DYRK1A: variants seen among roughly 807,000 people sequenced by gnomAD.
DYRK1A encodes the protein dual specificity tyrosine phosphorylation regulated kinase 1A.
Under a neutral mutation model 79.7 loss-of-function variants are expected in DYRK1A, and 9 were observed. The ratio of observed to expected loss-of-function variants is 0.11; its 90% confidence interval spans 0.07 to 0.20. The LOEUF (loss-of-function observed/expected upper bound fraction) is 0.20. Ranked by LOEUF, DYRK1A falls within the 10% of genes least tolerant of loss-of-function variation. The pLI, the probability that DYRK1A is intolerant of heterozygous loss-of-function variation, is 1.00. For synonymous variants in DYRK1A, 349 were observed against 329.7 expected (o/e 1.06, Z -0.63); for missense variants, 622 against 956.0 (o/e 0.65, Z 4.61).
intron 9 of DYRK1A, among the ~76,000 whole-genome samples, chr21:37,500,233 G>A (rs73218460): frequency 0.02 from 3,073 of 152,070 alleles, 39 homozygotes; most frequent in Non-Finnish European, 0.027. Context: ...TTTTCTGCAC[G>A]TATAGAGATC....
At chr21:37,509,131 C>T (rs1449755820) in intron 11 of DYRK1A, among the ~76,000 whole-genome samples, 2 of 152,172 alleles carry the variant, frequency 1.3e-5, no homozygotes, top group Non-Finnish European at 2.9e-5. Flanking sequence ...TCCTTCCTTC[C>T]ATGCCTTCTA....
chr21:37,478,168 C>A, intron 3 of DYRK1A, 40 bp from the exon 4 acceptor site: 2 of 1,610,872 alleles, frequency 1.2e-6, no homozygotes. Context: ...CTAGTCTTTT[C>A]TGTCTATTTA....
rs1366699533 is a variant in DYRK1A at position 37,458,304 on chromosome 21, G to GTGTGTA, written c.11-14377_11-14376insGTATGT. The stretch of plus-strand genomic sequence containing the variant: ...TGTGTGTGTGTGTGTGTGTGTGTGT[G>GTGTGTA]TGTACATATACATATGTATTATATT... On this transcript the variant is annotated intron_variant, in intron 2 of 11. Coordinates refer to ENST00000647188, the MANE Select transcript of DYRK1A (RefSeq NM_001347721.2). Among the ~76,000 whole-genome samples the GTGTGTA allele has an allele frequency of 4.8e-3, 723 of 150,782 alleles. 5 individuals carry two copies. Among genetic ancestry groups the GTGTGTA allele is most frequent in the Non-Finnish European group, 8.1e-3 (546 of 67,474 alleles).
chr21:37,476,382 T>C (rs2052393209), intron 3 of DYRK1A, among the ~76,000 whole-genome samples: 1 of 152,246 alleles, frequency 6.6e-6, no homozygotes, highest in South Asian at 2.1e-4. Flanking sequence ...TACTTTATTA[T>C]TAAGTTATTC....
rs577636881 is a variant in DYRK1A, at chr21:37,456,956, A to G, written c.11-15728A>G. Among the ~76,000 whole-genome samples the G allele has an allele frequency of 2.6e-5, 4 of 152,304 alleles. No homozygotes were observed. The East Asian group carries it at 7.7e-4, about 29-fold the overall frequency. On this transcript the variant is annotated intron_variant, in intron 2 of 11. Coordinates refer to ENST00000647188, the MANE Select transcript of DYRK1A (RefSeq NM_001347721.2). ...CATAGAAACCTGCTTTATCCATACT[A>G]TCATTACTGAGAATACTTTCTGGTT...
rs144307250 is a variant in DYRK1A at position 37,509,472 on chromosome 21, G to C, written c.1645-2439G>C. ...TTTTTAAATTTATTTTTAGAGCTAGGGTCTTGCTCTTTAGCCCAGGCTGGA... is the reference window on the plus strand; with the variant it reads ...TTTTTAAATTTATTTTTAGAGCTAGCGTCTTGCTCTTTAGCCCAGGCTGGA... On this transcript the variant is annotated intron_variant, in intron 11 of 11. Transcript: ENST00000647188. Among the ~76,000 whole-genome samples, 531 of 152,200 alleles carry C rather than the reference G, an allele frequency of 3.5e-3. 1 individual carries two copies. The highest frequency in any genetic ancestry group is 0.012 in the African/African-American group (499 of 41,498).
chr21:37,469,662 A>G (rs2052152517), intron 2 of DYRK1A, among the ~76,000 whole-genome samples: 2 of 152,158 alleles, frequency 1.3e-5, no homozygotes, highest in Non-Finnish European at 2.9e-5. Context: ...AAGTCAGGCA[A>G]AAGGGGGAGG....
chr21:37,407,141 G>A (rs932602985), intron 1 of DYRK1A, among the ~76,000 whole-genome samples: 5 of 152,130 alleles, frequency 3.3e-5, no homozygotes, highest in African/African-American at 7.2e-5. Flanking sequence ...TCCCTAATTC[G>A]AAGTGTTTGG....
intron 1 of DYRK1A, among the ~76,000 whole-genome samples, chr21:37,378,504 G>A (rs1265774060): frequency 6.6e-6 from 1 of 152,152 alleles, no homozygotes; most frequent in Non-Finnish European, 1.5e-5. Flanking sequence ...TTGCACTCCA[G>A]CCTGGGCAAC....
chr21:37,474,332 GAT>G (rs1166744898), intron 3 of DYRK1A, among the ~76,000 whole-genome samples: 2 of 152,280 alleles, frequency 1.3e-5, no homozygotes, highest in Non-Finnish European at 2.9e-5. Context: ...TAAAATAAGA[GAT>G]ATTTCACTTA....
intron 2 of DYRK1A, among the ~76,000 whole-genome samples, chr21:37,455,006 CA>C (rs2051587636): frequency 7.0e-6 from 1 of 143,850 alleles, no homozygotes; most frequent in African/African-American, 2.6e-5. Context: ...GATGGTTATT[CA>C]GGGGTGGTCA....
chr21:37,511,282 A>G (rs9980596), intron 11 of DYRK1A, among the ~76,000 whole-genome samples: 6,415 of 152,300 alleles, frequency 0.042, 176 homozygotes, highest in Middle Eastern at 0.092. Flanking sequence ...AGGATTTTAA[A>G]TAGGGAAGTG....
intron 1 of DYRK1A, among the ~76,000 whole-genome samples, chr21:37,381,615 A>G (rs1252212699): frequency 6.6e-6 from 1 of 152,166 alleles, no homozygotes; most frequent in South Asian, 2.1e-4. Context: ...CATTTGTAGT[A>G]GCTTTCAGGT....
At chr21:37,421,639 GT>G (rs2050479439) in intron 2 of DYRK1A, 1 of 152,102 alleles carries the variant, frequency 6.6e-6, no homozygotes, top group Non-Finnish European at 1.5e-5. Flanking sequence ...CTCGCTGATT[GT>G]TAAAAGCAAC....
intron 9 of DYRK1A, chr21:37,505,052 C>A (rs2053554002): frequency 8.0e-6 from 4 of 499,634 alleles, no homozygotes; most frequent in South Asian, 5.7e-5. Context: ...AGTTTACTGA[C>A]CCCTGGGCTA....
intron 8 of DYRK1A, among the ~76,000 whole-genome samples, chr21:37,494,233 T>C (rs1306967819): frequency 2.0e-5 from 3 of 152,038 alleles, no homozygotes; most frequent in African/African-American, 7.2e-5. Context: ...GCTACTCTTT[T>C]ATAGTAACTG....
At chr21:37,439,760 A>C (rs1229535752) in intron 2 of DYRK1A, among the ~76,000 whole-genome samples, 1 of 152,206 alleles carries the variant, frequency 6.6e-6, no homozygotes, top group Non-Finnish European at 1.5e-5. Context: ...CAGATTGGGA[A>C]AGATACCTTC....
intron 4 of DYRK1A, among the ~76,000 whole-genome samples, chr21:37,479,987 G>A (rs570132635): frequency 1.3e-5 from 2 of 152,062 alleles, no homozygotes; most frequent in African/African-American, 4.8e-5. Flanking sequence ...ATGGTCTTTG[G>A]GAGTGGGGGC....
At chr21:37,492,267 A>G (rs2053122375) in intron 7 of DYRK1A, among the ~76,000 whole-genome samples, 1 of 152,218 alleles carries the variant, frequency 6.6e-6, no homozygotes, top group Non-Finnish European at 1.5e-5. Context: ...ACCACAGAAA[A>G]TTTCATGAGC....
Sources: gnomAD v4.1 joint callset for allele counts (sites outside exome capture counted in the v4.1 genomes callset) on GRCh38, gnomAD v4.1.1 for gene constraint, MANE v1.5 for transcripts, NCBI Gene and HGNC (gene_info 2026-07-23, HGNC 2026-07-21) for gene names.